The following PDE10A variants were observed in gnomAD, a reference collection of about 807,000 sequenced individuals.
The protein encoded by PDE10A is cAMP and cAMP-inhibited cGMP 3',5'-cyclic phosphodiesterase 10A.
Under a neutral mutation model 97.7 loss-of-function variants are expected in PDE10A, and 39 were observed. That is an observed-to-expected ratio of 0.40 (90% CI 0.31 to 0.52). The LOEUF (loss-of-function observed/expected upper bound fraction) is 0.52. Ranked by LOEUF, PDE10A falls within the 20% of genes least tolerant of loss-of-function variation. The pLI, the probability that PDE10A is intolerant of heterozygous loss-of-function variation, is 0.56. For missense variants in PDE10A, 731 were observed against 1,047.8 expected (o/e 0.70, Z 4.17); for synonymous variants, 371 against 376.8 (o/e 0.98, Z 0.18).
intron 1 of PDE10A, among the ~76,000 whole-genome samples, chr6:165,798,322 A>C (rs1371563099): frequency 3.3e-5 from 5 of 152,192 alleles, no homozygotes; most frequent in African/African-American, 1.2e-4. Flanking sequence ...AAAGTGTAAC[A>C]GAGGCATTAC....
intron 1 of PDE10A, among the ~76,000 whole-genome samples, chr6:165,834,417 G>A (rs146963144): frequency 3.9e-5 from 6 of 152,346 alleles, no homozygotes; most frequent in Admixed American, 2.0e-4. Context: ...GCTAGTGGCC[G>A]GGTGGCTGAG....
At chr6:165,653,781 C>T (rs1789802163) in intron 1 of PDE10A, among the ~76,000 whole-genome samples, 1 of 152,166 alleles carries the variant, frequency 6.6e-6, no homozygotes, top group Non-Finnish European at 1.5e-5. Context: ...CTCCCCACAC[C>T]GTGCCCTCTG....
intron 1 of PDE10A, among the ~76,000 whole-genome samples, chr6:165,883,160 T>C (rs113956409): frequency 0.033 from 5,001 of 152,016 alleles, 266 homozygotes; most frequent in African/African-American, 0.11. Flanking sequence ...TGCTTGAACC[T>C]GGGAAGCAGA....
At chr6:165,827,672 C>A (rs1779800145) in intron 1 of PDE10A, among the ~76,000 whole-genome samples, 1 of 152,116 alleles carries the variant, frequency 6.6e-6, no homozygotes, top group African/African-American at 2.4e-5. Flanking sequence ...TTTTTTATTG[C>A]AATAGGTTTT....
chr6:165,491,332 G>A lies in PDE10A; in HGVS notation c.995-8989C>T, dbSNP rs942279671. Among the ~76,000 whole-genome samples, 68 of 152,040 alleles carry A rather than the reference G, an allele frequency of 4.5e-4. 2 individuals carry two copies. The highest frequency in any genetic ancestry group is 1.9e-4 in the Non-Finnish European group (13 of 68,010). ...ATACTCCACTGACAGCACTAAACAG[G>A]TCATCAAGACAGAAAGTCAACAAAG... On this transcript the variant is annotated intron_variant, in intron 2 of 21. Transcript: ENST00000539869.
chr6:165,752,878 C>G (rs1430053930), intron 1 of PDE10A, among the ~76,000 whole-genome samples: 1 of 152,238 alleles, frequency 6.6e-6, no homozygotes, highest in Non-Finnish European at 1.5e-5. Flanking sequence ...CACCTGCTAA[C>G]AGATGCTGCT....
intron 1 of PDE10A, among the ~76,000 whole-genome samples, chr6:165,811,395 A>T (rs912824052): frequency 6.6e-6 from 1 of 152,188 alleles, no homozygotes; most frequent in Non-Finnish European, 1.5e-5. Flanking sequence ...GCAGAGTCTC[A>T]GGAAATATGG....
intron 1 of PDE10A, among the ~76,000 whole-genome samples, chr6:165,590,134 T>A (rs958301064): frequency 1.3e-5 from 2 of 152,202 alleles, no homozygotes; most frequent in African/African-American, 4.8e-5. Flanking sequence ...TTCAGGAGTG[T>A]TTATGAAGAC....
intron 1 of PDE10A, among the ~76,000 whole-genome samples, chr6:165,835,791 C>A (rs142830747): frequency 3.3e-5 from 5 of 152,168 alleles, no homozygotes; most frequent in African/African-American, 1.2e-4. Flanking sequence ...GGAGGGGGAG[C>A]GTTTCCTAGG....
At chr6:165,444,168 T>A (rs367889307) in intron 5 of PDE10A, among the ~76,000 whole-genome samples, 2 of 152,212 alleles carry the variant, frequency 1.3e-5, no homozygotes, top group African/African-American at 4.8e-5. Context: ...TCACTATCCG[T>A]ATCACTGTCA....
At chr6:165,619,454 GTAGTGTAGTC>G (rs1787976061) in intron 1 of PDE10A, among the ~76,000 whole-genome samples, 1 of 2,720 alleles carries the variant, frequency 3.7e-4, no homozygotes, top group Non-Finnish European at 6.8e-4. Flanking sequence ...ATAGTCTAGT[GTAGTGTAGTC>G]TAGTGTAGTG....
At chr6:165,528,150 T>C (rs1013573659) in intron 2 of PDE10A, among the ~76,000 whole-genome samples, 1 of 152,114 alleles carries the variant, frequency 6.6e-6, no homozygotes, top group African/African-American at 2.4e-5. Flanking sequence ...GATTGGAAAA[T>C]TGGTGACAAA....
intron 1 of PDE10A, among the ~76,000 whole-genome samples, chr6:165,804,420 T>C (rs1249848059): frequency 6.6e-6 from 1 of 152,222 alleles, no homozygotes; most frequent in Non-Finnish European, 1.5e-5. Context: ...TTGTTTTGTT[T>C]TGTTTTTGGC....
intron 1 of PDE10A, among the ~76,000 whole-genome samples, chr6:165,683,883 C>A (rs986680237): frequency 1.3e-5 from 2 of 152,182 alleles, no homozygotes; most frequent in Non-Finnish European, 2.9e-5. Context: ...TCCTAGGAAC[C>A]CCCAGGCATC....
chr6:165,823,539 A>AAATATTATATTTATAATTTATAAATATAT (rs71029564), intron 1 of PDE10A, among the ~76,000 whole-genome samples: 2 of 117,262 alleles, frequency 1.7e-5, no homozygotes, highest in Non-Finnish European at 3.7e-5. Flanking sequence ...CCTTAATTAT[A>AAATATTATATTTATAATTTATAAATATAT]AATATTATAT....
chr6:165,338,796 T>C (rs1216415206), intron 20 of PDE10A, among the ~76,000 whole-genome samples: 1 of 152,224 alleles, frequency 6.6e-6, no homozygotes, highest in Non-Finnish European at 1.5e-5. Context: ...GCCAAGGTAG[T>C]ATGAATTCTT....
chr6:165,658,398 A>T (rs1790070351), intron 1 of PDE10A, among the ~76,000 whole-genome samples: 1 of 152,118 alleles, frequency 6.6e-6, no homozygotes, highest in African/African-American at 2.4e-5. Flanking sequence ...TTATTTTGCT[A>T]ACTTTCTCAG....
At chr6:165,744,868 T>C (rs577963564) in intron 1 of PDE10A, among the ~76,000 whole-genome samples, 1 of 151,830 alleles carries the variant, frequency 6.6e-6, no homozygotes, top group Admixed American at 6.6e-5. Flanking sequence ...AAAAAAAAAA[T>C]TCTGAGTTAC....
At chr6:165,932,845 G>A (rs1475262505) in intron 1 of PDE10A, among the ~76,000 whole-genome samples, 1 of 152,218 alleles carries the variant, frequency 6.6e-6, no homozygotes, top group African/African-American at 2.4e-5. Context: ...CAGGAAGTTG[G>A]TGCAAGAGCT....
Sources: gnomAD v4.1 joint callset for allele counts (sites outside exome capture counted in the v4.1 genomes callset) on GRCh38, gnomAD v4.1.1 for gene constraint, MANE v1.5 for transcripts, NCBI Gene and HGNC (gene_info 2026-07-23, HGNC 2026-07-21) for gene names.